POLE: variants seen among roughly 807,000 people sequenced by gnomAD.
POLE encodes DNA polymerase epsilon, catalytic subunit.
In POLE, 188 loss-of-function variants were observed where a neutral mutation model predicts 279.2. That is an observed-to-expected ratio of 0.67 (90% confidence interval 0.60 to 0.76). The LOEUF (loss-of-function observed/expected upper bound fraction) is 0.76. Ranked by LOEUF, POLE falls within the 30% of genes least tolerant of loss-of-function variation. The pLI, the probability that POLE is intolerant of heterozygous loss-of-function variation, is 0.00. For synonymous variants in POLE, 1,214 were observed against 1,172.5 expected (o/e 1.04, Z -0.72); for missense variants, 2,703 against 3,016.7 (o/e 0.90, Z 2.44).
intron 12 of POLE, 137 bp from the exon 13 acceptor site, chr12:132,673,844 C>A: frequency 2.2e-6 from 2 of 924,482 alleles, no homozygotes; most frequent in East Asian, 2.4e-5. Flanking sequence ...ACCAAGGCCC[C>A]ACATGGTGTA....
At chr12:132,667,709 G>C (rs1243192813) in intron 19 of POLE, 61 bp from the exon 20 acceptor site, 14 of 1,560,662 alleles carry the variant, frequency 9.0e-6, no homozygotes, top group Admixed American at 1.7e-5. Context: ...GAGGGAGCCA[G>C]GGCACAGGGG....
chr12:132,680,787 C>A (rs2043150305), intron 2 of POLE, 100 bp from the exon 3 acceptor site: 2 of 910,900 alleles, frequency 2.2e-6, no homozygotes, highest in Non-Finnish European at 3.6e-6. Flanking sequence ...TAGAAACAAA[C>A]CCTCTCATCT....
intron 5 of POLE, 139 bp from the exon 6 acceptor site, chr12:132,679,790 C>A: frequency 1.9e-6 from 2 of 1,035,222 alleles, no homozygotes; most frequent in East Asian, 2.4e-5. Flanking sequence ...CACGTGGCAC[C>A]AACTAACACC....
At chr12:132,678,910 T>C (rs375462509) in intron 6 of POLE, among the ~76,000 whole-genome samples, 13 of 152,230 alleles carry the variant, frequency 8.5e-5, no homozygotes, top group Admixed American at 6.5e-4. Context: ...ACTTGTGGCA[T>C]TGCCAGGGAA....
intron 40 of POLE, 87 bp from the exon 41 acceptor site, chr12:132,638,226 C>A (rs2138503665): frequency 7.7e-7 from 1 of 1,290,880 alleles, no homozygotes. Flanking sequence ...GGGAAAAGAG[C>A]TGAGGGTCCT....
Position 132,667,498 on chromosome 12 carries a change from C to A in POLE, c.2319+5G>T, listed in dbSNP as rs1593789825. The A allele has an allele frequency of 1.2e-6, 2 of 1,613,996 alleles. No individual in the cohort carries two copies. The highest frequency in any genetic ancestry group is 1.7e-6 in the Non-Finnish European group (2 of 1,179,868). On this transcript the variant is annotated splice_donor_5th_base_variant and intron_variant, in intron 20 of 48. Coordinates refer to ENST00000320574, the MANE Select transcript of POLE (RefSeq NM_006231.4). ...GGCCAAAGCTTGCAGCCCCTCAGAG[C>A]TCACCTTGTGGAGCCCTTTGAACTC...
intron 45 of POLE, 76 bp from the exon 46 acceptor site, chr12:132,626,393 G>A (rs2041840889): frequency 7.1e-7 from 1 of 1,414,694 alleles, no homozygotes; most frequent in African/African-American, 1.4e-5. Context: ...AGAACCCTCT[G>A]GACCTTAGGC....
chr12:132,669,677 A>G (rs1044581745), intron 16 of POLE, among the ~76,000 whole-genome samples: 3 of 152,178 alleles, frequency 2.0e-5, no homozygotes, highest in African/African-American at 7.2e-5. Flanking sequence ...TTCTCTGCCC[A>G]GTAACGGCGT....
At position 132,664,315 on chromosome 12, in the gene POLE, C is replaced by T; in HGVS notation, c.2561+55G>A. ...CCAGCCTTCCCTCCTTCCTTCCTGC[C>T]CATGCTTGCCCCCAGGACCTGCTCC... On this transcript the variant is annotated intron_variant, in intron 22 of 48. Transcript: ENST00000320574. The surrounding 1 kb of genome is among the most constrained non-coding windows in gnomAD (Gnocchi z 5.3). The T allele has an allele frequency of 6.5e-7, 1 of 1,535,192 alleles. No individual in the cohort carries two copies. Among genetic ancestry groups the T allele is most frequent in the East Asian group, 2.2e-5 (1 of 44,472 alleles).
At chr12:132,627,622 G>A (rs1197960685) in intron 45 of POLE, among the ~76,000 whole-genome samples, 2 of 152,194 alleles carry the variant, frequency 1.3e-5, no homozygotes, top group African/African-American at 4.8e-5. Context: ...ACCCTATACT[G>A]TAGTCTATTA....
rs878854859 is a variant in POLE at position 132,659,518 on chromosome 12, A to G, written c.3061-9T>C. The G allele has an allele frequency of 1.9e-6, 3 of 1,611,856 alleles. No individual in the cohort carries two copies. Reference sequence around the variant, plus strand: ...TCAGGCATGTTGGCTGCCTAGAGAAAGACAATGGGTAAAACACTGCAGAAA... The same window carrying G: ...TCAGGCATGTTGGCTGCCTAGAGAAGGACAATGGGTAAAACACTGCAGAAA... On this transcript the variant is annotated splice_polypyrimidine_tract_variant and intron_variant, in intron 25 of 48. Transcript: ENST00000320574.
chr12:132,642,279 G>A lies in POLE; in HGVS notation c.5071C>T (p.Arg1691Cys), dbSNP rs777599909. The change falls in exon 38 of 49, where the codon CGC becomes TGC. Residue 1691 changes from arginine to cysteine, a missense_variant. Arg to Cys is a radical substitution (Grantham distance 180). Around this residue, in one of 5 missense-constraint regions of POLE, gnomAD observed 1,551 missense variants for 1,686.1 expected, o/e 0.92. Transcript: ENST00000320574. ...GCCTCCTTTCCACCCAGGTCAGGGC[G>A]GGCTGTAGGGGACAGCCAGAGCAGG... ...NHLLWLSPTARPDLGGKEADD... is the reference protein window; with the variant it reads ...NHLLWLSPTACPDLGGKEADD... 26 of 1,608,914 alleles carry A rather than the reference G, an allele frequency of 1.6e-5. No homozygotes were observed. The highest frequency in any genetic ancestry group is 2.0e-5 in the Non-Finnish European group (23 of 1,177,884).
intron 29 of POLE, among the ~76,000 whole-genome samples, chr12:132,656,711 A>C (rs1282594988): frequency 6.6e-6 from 1 of 152,192 alleles, no homozygotes; most frequent in Non-Finnish European, 1.5e-5. Flanking sequence ...TTTATAGCTT[A>C]CTTTTAATTT....
Position 132,643,931 on chromosome 12 carries a change from TCA to T in POLE, c.4194_4195del (p.Tyr1398Ter). ...GTACATGTCCTCTGGCACTGAATAC[TCA>T]TAGAGATTGTAGACCATGTTGGAGC... On this transcript the variant is annotated stop_gained and frameshift_variant, in exon 33 of 49. Coordinates refer to ENST00000320574, the MANE Select transcript of POLE (RefSeq NM_006231.4). LOFTEE classifies it high-confidence loss of function. 1 of 1,614,108 alleles carries T rather than the reference TCA, an allele frequency of 6.2e-7. No homozygotes were observed. Among genetic ancestry groups the T allele is most frequent in the Non-Finnish European group, 8.5e-7 (1 of 1,179,964 alleles).
intron 29 of POLE, among the ~76,000 whole-genome samples, chr12:132,653,363 A>G (rs895552271): frequency 2.0e-5 from 3 of 152,260 alleles, no homozygotes; most frequent in African/African-American, 7.2e-5. Flanking sequence ...TGACAAAGGA[A>G]GACCATGTCT....
At position 132,649,900 on chromosome 12, in the gene POLE, C is replaced by A. The variant is rs760877999; in HGVS notation, c.3583-11G>T. On this transcript the variant is annotated splice_polypyrimidine_tract_variant and intron_variant, in intron 29 of 48. Transcript: ENST00000320574. ...CTCGGCCATCGTGACCTGGAAAGAC[C>A]CAGTGAAGCCTTAAATCTCAGGATC... The A allele has an allele frequency of 3.7e-6, 6 of 1,611,962 alleles. No individual in the cohort carries two copies. The South Asian group carries it at 5.5e-5, about 15-fold the overall frequency.
intron 16 of POLE, among the ~76,000 whole-genome samples, 166 bp from the exon 17 acceptor site, chr12:132,669,105 G>A (rs983995533): frequency 6.6e-6 from 1 of 152,140 alleles, no homozygotes; most frequent in Non-Finnish European, 1.5e-5. Context: ...TCATTTCTAT[G>A]AAATACATTA....
rs980915977 is a variant in POLE, at chr12:132,623,861, C to A, written c.*836G>T. 16 of 195,078 alleles carry A rather than the reference C, an allele frequency of 8.2e-5. No individual in the cohort carries two copies. The highest frequency in any genetic ancestry group is 1.6e-4 in the Non-Finnish European group (15 of 93,822). 12.1% of individuals were successfully genotyped at this position (195,078 alleles called of 1,614,324 possible). A position where few individuals can be genotyped will look rare whatever the true frequency, so the allele number is the denominator to read the frequency against. ...ACTAAGGCTGGCTCTGGGCCAAAGA[C>A]ACGAGCCTCCTGGGGAGCCTGTGGG... On this transcript the variant is annotated 3_prime_UTR_variant, in exon 49 of 49. Transcript: ENST00000320574.
At chr12:132,682,539 G>A (rs1265327563) in intron 1 of POLE, among the ~76,000 whole-genome samples, 1 of 152,010 alleles carries the variant, frequency 6.6e-6, no homozygotes, top group Non-Finnish European at 1.5e-5. Flanking sequence ...TCGTCTCAAT[G>A]TCAATTTCTT....
Sources: gnomAD v4.1 joint callset for allele counts (sites outside exome capture counted in the v4.1 genomes callset) on GRCh38, gnomAD v4.1.1 for gene constraint, gnomAD v4.1.1 regional missense constraint, Gnocchi (gnomAD v3.1) non-coding constraint, MANE v1.5 for transcripts, NCBI Gene and HGNC (gene_info 2026-07-23, HGNC 2026-07-21) for gene names.